ARHGAP23: variants seen among roughly 807,000 people sequenced by gnomAD.
The protein encoded by ARHGAP23 is rho GTPase-activating protein 23.
Under a neutral mutation model 136.3 loss-of-function variants are expected in ARHGAP23, and 34 were observed. The ratio of observed to expected loss-of-function variants is 0.25; its 90% CI spans 0.19 to 0.33. The LOEUF is 0.33. ARHGAP23 is among the 10% of genes least tolerant of loss of function. The pLI, the probability that ARHGAP23 is intolerant of heterozygous loss-of-function variation, is 1.00. For missense variants in ARHGAP23, 1,808 were observed against 2,139.0 expected, an observed-to-expected ratio of 0.85 and a Z score of 3.05; for synonymous variants, 832 against 920.5, an observed-to-expected ratio of 0.90 and a Z score of 1.74.
chr17:38,465,263 T>C lies in ARHGAP23; in HGVS notation c.484-904T>C, dbSNP rs550918511. ...GGTTTAGCTTGTCCTCATCACATGATGTTTGTGCCTGGGACTGGAGGTGTA... is the reference window on the plus strand; with the variant it reads ...GGTTTAGCTTGTCCTCATCACATGACGTTTGTGCCTGGGACTGGAGGTGTA... On this transcript the variant is annotated intron_variant, in intron 6 of 23. Coordinates refer to ENST00000622683, the MANE Select transcript of ARHGAP23 (RefSeq NM_001199417.2). Among the ~76,000 whole-genome samples, 8 of 152,240 alleles carry C rather than the reference T, an allele frequency of 5.3e-5. No individual in the cohort carries two copies. In the East Asian group the frequency reaches 1.5e-3, roughly 29 times the overall value.
chr17:38,466,356 T>C lies in ARHGAP23; in HGVS notation c.673T>C (p.Trp225Arg), dbSNP rs1354476305. ...CAGTGACCCCCGGAGTCCTGCTGCC[T>C]GGAGTGACCCGGGGCTCCGTGTGCC... ...LPSDPRSPAA[W>R]SDPGLRVPPA... Residue 225 changes from tryptophan (W) to arginine (R), a missense_variant, in exon 7 of 24, where the codon TGG (tryptophan) becomes CGG (arginine). Physicochemically the swap from Trp to Arg is moderately radical, Grantham distance 101 (BLOSUM62 -3). Transcript: ENST00000622683. The C allele has an allele frequency of 1.9e-6, 3 of 1,540,630 alleles. No individual in the cohort carries two copies. Among genetic ancestry groups the C allele is most frequent in the Non-Finnish European group, 2.6e-6 (3 of 1,145,098 alleles).
At chr17:38,458,845 C>T (rs535587140) in intron 2 of ARHGAP23, among the ~76,000 whole-genome samples, 1 of 152,338 alleles carries the variant, frequency 6.6e-6, no homozygotes, top group South Asian at 2.1e-4. Context: ...GAATTTGGGG[C>T]TGCCTCCCCA....
chr17:38,427,311 A>G (rs1056447060), upstream of ARHGAP23, among the ~76,000 whole-genome samples: 3 of 152,118 alleles, frequency 2.0e-5, no homozygotes, highest in African/African-American at 4.8e-5. Context: ...CCAAAGTACA[A>G]AAGTTAGGTG....
chr17:38,505,594 A>G (rs938425600), intron 23 of ARHGAP23, among the ~76,000 whole-genome samples: 10 of 152,168 alleles, frequency 6.6e-5, no homozygotes, highest in African/African-American at 2.4e-4. Flanking sequence ...GACAACAGAT[A>G]TTGGAATGCA....
chr17:38,471,055 C>G (rs1158949533), intron 10 of ARHGAP23, among the ~76,000 whole-genome samples: 1 of 151,642 alleles, frequency 6.6e-6, no homozygotes, highest in Admixed American at 6.6e-5. Flanking sequence ...TGGGTTCAAC[C>G]GATTCTCGTG....
At chr17:38,490,957 C>T (rs559319889) in intron 19 of ARHGAP23, among the ~76,000 whole-genome samples, 35 of 152,320 alleles carry the variant, frequency 2.3e-4, no homozygotes, top group Admixed American at 8.5e-4. Context: ...CTCACTCTGC[C>T]GCTCAGGCTG....
intron 20 of ARHGAP23, among the ~76,000 whole-genome samples, chr17:38,496,193 G>T (rs762951459): frequency 3.9e-5 from 6 of 152,034 alleles, no homozygotes; most frequent in African/African-American, 1.2e-4. Context: ...TCACTGCACC[G>T]GGCCTGTCAC....
intron 1 of ARHGAP23, among the ~76,000 whole-genome samples, chr17:38,455,505 C>T (rs776622550): frequency 1.3e-5 from 2 of 152,196 alleles, no homozygotes; most frequent in Non-Finnish European, 2.9e-5. Flanking sequence ...AGGGAGCAGC[C>T]CCCCCAGGCA....
At chr17:38,469,657 G>A in intron 9 of ARHGAP23, 22 bp downstream of exon 9, 1 of 1,546,404 alleles carries the variant, frequency 6.5e-7, no homozygotes, top group African/African-American at 1.4e-5. Flanking sequence ...TCCGGACACG[G>A]GGTGGGGTGG....
At chr17:38,453,454 TGTGTGTGC>T (rs1431812458) in intron 1 of ARHGAP23, among the ~76,000 whole-genome samples, 1,686 of 115,262 alleles carry the variant, frequency 0.015, 36 homozygotes, top group African/African-American at 0.047. Context: ...TGTGTGTGTG[TGTGTGTGC>T]GCGCGCGCGC....
chr17:38,466,686 C>G lies in ARHGAP23; in HGVS notation c.1003C>G (p.Gln335Glu). 2 of 1,525,418 alleles carry G rather than the reference C, an allele frequency of 1.3e-6. No individual in the cohort carries two copies. Among genetic ancestry groups the G allele is most frequent in the Non-Finnish European group, 1.8e-6 (2 of 1,136,556 alleles). The allele number at this position is 1,525,418 out of a possible 1,614,324, so 94.5% of individuals were successfully genotyped here. ...APRPWPCSTS[Q>E]DALSQLGQEG... Reference sequence around the variant, plus strand: ...CCGCCCGTGGCCCTGCTCCACCTCCCAGGATGCTTTGAGCCAGCTGGGCCA... The same window carrying G: ...CCGCCCGTGGCCCTGCTCCACCTCCGAGGATGCTTTGAGCCAGCTGGGCCA... The change falls in exon 7 of 24, where the codon CAG (glutamine) becomes GAG (glutamate). Residue 335 changes from glutamine (Q) to glutamate (E), a missense_variant. Physicochemically the swap from Gln to Glu is conservative, Grantham distance 29 (BLOSUM62 2). Coordinates refer to ENST00000622683, the MANE Select transcript of ARHGAP23 (RefSeq NM_001199417.2).
At chr17:38,484,108 T>C (rs566064156) in intron 16 of ARHGAP23, among the ~76,000 whole-genome samples, 1 of 152,268 alleles carries the variant, frequency 6.6e-6, no homozygotes, top group East Asian at 1.9e-4. Flanking sequence ...GTCCATTGGA[T>C]ACGAATGCGG....
At chr17:38,431,755 G>A (rs149725638) in intron 1 of ARHGAP23, among the ~76,000 whole-genome samples, 21 of 152,302 alleles carry the variant, frequency 1.4e-4, no homozygotes, top group African/African-American at 4.6e-4. Context: ...ACTCTGTTAC[G>A]CTACAGTGGG....
At chr17:38,443,600 A>C (rs2038965673) in intron 1 of ARHGAP23, among the ~76,000 whole-genome samples, 1 of 151,016 alleles carries the variant, frequency 6.6e-6, no homozygotes, top group Non-Finnish European at 1.5e-5. Context: ...GGCATCACAG[A>C]CTGGATTAGG....
chr17:38,447,248 C>T (rs541249199), intron 1 of ARHGAP23, among the ~76,000 whole-genome samples: 2 of 151,778 alleles, frequency 1.3e-5, no homozygotes, highest in African/African-American at 2.4e-5. Flanking sequence ...TCGAGATTAG[C>T]CTGGCCAACA....
intron 9 of ARHGAP23, 91 bp downstream of exon 9, chr17:38,469,726 T>G: frequency 6.6e-7 from 1 of 1,504,480 alleles, no homozygotes; most frequent in East Asian, 2.5e-5. Flanking sequence ...GGGTCCTCTA[T>G]GCATGGGACA....
At chr17:38,422,658 G>A (rs1275462430) in intron 1 of ARHGAP23, among the ~76,000 whole-genome samples, 4 of 152,116 alleles carry the variant, frequency 2.6e-5, no homozygotes, top group African/African-American at 4.8e-5. Context: ...TCTCGCTCCC[G>A]CCGTAGCCAG....
intron 14 of ARHGAP23, 105 bp downstream of exon 14, chr17:38,479,988 A>T: frequency 6.9e-7 from 1 of 1,451,692 alleles, no homozygotes; most frequent in Admixed American, 2.1e-5. Context: ...TGTGTGCCTG[A>T]CTGTGTGCCA....
At chr17:38,503,057 C>T (rs2040555520) in intron 23 of ARHGAP23, among the ~76,000 whole-genome samples, 1 of 152,116 alleles carries the variant, frequency 6.6e-6, no homozygotes, top group East Asian at 1.9e-4. Context: ...CAAAAACAAA[C>T]AAACAAACAA....
Sources: allele counts gnomAD v4.1 joint callset (sites outside exome capture counted in the v4.1 genomes callset), GRCh38; gene constraint gnomAD v4.1.1; transcripts MANE v1.5; gene names NCBI Gene and HGNC (gene_info 2026-07-23, HGNC 2026-07-21).